PTPN13: variants seen among roughly 807,000 people sequenced by gnomAD.
The protein encoded by PTPN13 is tyrosine-protein phosphatase non-receptor type 13.
In PTPN13, 191 loss-of-function variants were observed where a neutral mutation model predicts 284.0. The observed-to-expected ratio is 0.67, with a 90% CI of 0.60 to 0.76. The LOEUF (loss-of-function observed/expected upper bound fraction) is 0.76. Among genes scored for constraint, PTPN13 ranks in the 30% least tolerant of loss-of-function variants. The pLI is 0.00. For synonymous variants in PTPN13, 986 were observed against 1,022.3 expected, an observed-to-expected ratio of 0.96 and a Z score of 0.68; for missense variants, 2,797 against 2,939.9, an observed-to-expected ratio of 0.95 and a Z score of 1.12.
In PTPN13 at chr4:86,790,655, T is replaced by C. The variant is rs187328150; in HGVS notation, c.6345+4719T>C. Among the ~76,000 whole-genome samples, 69 of 152,242 alleles carry C rather than the reference T, an allele frequency of 4.5e-4. 1 individual carries two copies. In the East Asian group the frequency reaches 0.012, roughly 26 times the overall value. On this transcript the variant is annotated intron_variant, in intron 40 of 47. Transcript: ENST00000411767. ...GAATTTTTTAGTAAGGATTCACCCT[T>C]AGAAGGGCTTTGTGGTAGGAAGAGA...
chr4:86,745,184 A>G (rs1004071204), intron 17 of PTPN13, 56 bp downstream of exon 17: 7 of 1,511,912 alleles, frequency 4.6e-6, no homozygotes, highest in Non-Finnish European at 4.5e-6. Flanking sequence ...AATTTTTGCC[A>G]CCAAGTTTTA....
intron 1 of PTPN13, among the ~76,000 whole-genome samples, chr4:86,602,653 A>T (rs1239557914): frequency 1.3e-5 from 2 of 151,390 alleles, no homozygotes; most frequent in Non-Finnish European, 2.9e-5. Flanking sequence ...AACTTGTGAA[A>T]TGAATGTCAT....
chr4:86,766,970 A>T (rs555653891), intron 27 of PTPN13, among the ~76,000 whole-genome samples: 36 of 152,218 alleles, frequency 2.4e-4, no homozygotes, highest in Non-Finnish European at 4.1e-4. Context: ...CCCAGGCTGG[A>T]GTGCAGTGGC....
chr4:86,755,032 G>C (rs980997907), intron 20 of PTPN13, among the ~76,000 whole-genome samples: 8 of 151,954 alleles, frequency 5.3e-5, no homozygotes, highest in Non-Finnish European at 7.4e-5. Flanking sequence ...GTGTAACTAA[G>C]GATCAAAAAG....
chr4:86,603,681 A>T (rs2149165436), intron 1 of PTPN13, among the ~76,000 whole-genome samples: 1 of 152,210 alleles, frequency 6.6e-6, no homozygotes, highest in African/African-American at 2.4e-5. Context: ...ACTATATAAA[A>T]TGAGTCATTA....
At chr4:86,764,218 A>G (rs781042184) in intron 24 of PTPN13, among the ~76,000 whole-genome samples, 7 of 152,188 alleles carry the variant, frequency 4.6e-5, no homozygotes, top group Non-Finnish European at 1.0e-4. Flanking sequence ...AAAGCATTGG[A>G]CCAGGATTAT....
chr4:86,607,601 T>A (rs988532407), intron 1 of PTPN13, among the ~76,000 whole-genome samples: 2 of 151,998 alleles, frequency 1.3e-5, no homozygotes, highest in Non-Finnish European at 2.9e-5. Context: ...AAGCCTGTCC[T>A]ACTCCAGTCA....
chr4:86,666,310 G>A (rs1483795791), intron 2 of PTPN13, among the ~76,000 whole-genome samples: 1 of 674 alleles, frequency 1.5e-3, no homozygotes, highest in Admixed American at 0.021. Context: ...TCGTAGACTT[G>A]CATTAAGGAC....
intron 3 of PTPN13, among the ~76,000 whole-genome samples, chr4:86,686,122 G>GATTAT (rs1729425163): frequency 6.6e-6 from 1 of 152,070 alleles, no homozygotes; most frequent in Non-Finnish European, 1.5e-5. Flanking sequence ...AGCACTTTGG[G>GATTAT]AGGCTAAGGC....
rs745985239 is a variant in PTPN13 at position 86,635,375 on chromosome 4, A to AGCT, written c.115+21_115+23dup. 85 of 1,585,048 alleles carry AGCT rather than the reference A, an allele frequency of 5.4e-5. No homozygotes were observed. The highest frequency in any genetic ancestry group is 1.4e-4 in the Admixed American group (8 of 55,402). ...CTCCAAGAATTATTCAGAAAAGGTA[A>AGCT]GCTGCTGCTGCTGCTGCTGTTGTTG... On this transcript the variant is annotated splice_donor_region_variant and intron_variant, in intron 2 of 47. Coordinates refer to ENST00000411767, the MANE Select transcript of PTPN13 (RefSeq NM_080683.3).
chr4:86,697,517 C>T (rs989184458), intron 6 of PTPN13, among the ~76,000 whole-genome samples: 1 of 152,152 alleles, frequency 6.6e-6, no homozygotes, highest in African/African-American at 2.4e-5. Flanking sequence ...AGTGGGCTCT[C>T]TGACCCTACT....
At chr4:86,795,602 C>A (rs1201709463) in intron 40 of PTPN13, among the ~76,000 whole-genome samples, 1 of 152,140 alleles carries the variant, frequency 6.6e-6, no homozygotes, top group Non-Finnish European at 1.5e-5. Context: ...ATGTTTATTG[C>A]AGCACTGTTC....
chr4:86,605,410 A>C (rs1274154249), intron 1 of PTPN13, among the ~76,000 whole-genome samples: 5 of 151,948 alleles, frequency 3.3e-5, no homozygotes, highest in African/African-American at 1.2e-4. Context: ...CCTTTTTAAG[A>C]TCAAAGGTGG....
In PTPN13 at chr4:86,807,771, C is replaced by T; in HGVS notation, c.6957C>T (p.Cys2319=). Residue 2319 remains cysteine, a synonymous_variant, in exon 45 of 48, where the codon TGC becomes TGT. Coordinates refer to ENST00000411767, the MANE Select transcript of PTPN13 (RefSeq NM_080683.3). ...AAGTAGAAGGAGAAAAAATCAAATGCCAGCGCTATTGGCCCAACATCCTAG... is the reference window on the plus strand; with the variant it reads ...AAGTAGAAGGAGAAAAAATCAAATGTCAGCGCTATTGGCCCAACATCCTAG... ...TQEVEGEKIK[C]QRYWPNILGK... 2 of 1,614,010 alleles carry T rather than the reference C, an allele frequency of 1.2e-6. No individual in the cohort carries two copies. Among genetic ancestry groups the T allele is most frequent in the Admixed American group, 1.7e-5 (1 of 59,996 alleles).
At chr4:86,812,876 A>G (rs1340228851) in intron 47 of PTPN13, among the ~76,000 whole-genome samples, 1 of 151,984 alleles carries the variant, frequency 6.6e-6, no homozygotes, top group Non-Finnish European at 1.5e-5. Context: ...TTAAAATGAC[A>G]CCAAGTCTGG....
chr4:86,752,633 A>G (rs1184100709), intron 19 of PTPN13, among the ~76,000 whole-genome samples: 1 of 152,198 alleles, frequency 6.6e-6, no homozygotes, highest in African/African-American at 2.4e-5. Context: ...TAAATACTCT[A>G]TAGAAAACAT....
chr4:86,771,353 C>G lies in PTPN13; in HGVS notation c.4986C>G (p.Asp1662Glu). The change falls in exon 31 of 48, where the codon GAC becomes GAG. Residue 1662 changes from aspartate (D) to glutamate (E), a missense_variant. Coordinates refer to ENST00000411767, the MANE Select transcript of PTPN13 (RefSeq NM_080683.3). ...YSDSSGSGEDDLVTAPANISN... is the reference protein window; with the variant it reads ...YSDSSGSGEDELVTAPANISN... ...ACAGCAGTGGGAGTGGAGAAGATGA[C>G]TTAGTGACAGCTCCAGCAAACATAT... 2 of 1,587,500 alleles carry G rather than the reference C, an allele frequency of 1.3e-6. No individual in the cohort carries two copies. Among genetic ancestry groups the G allele is most frequent in the Non-Finnish European group, 1.7e-6 (2 of 1,166,532 alleles).
intron 27 of PTPN13, among the ~76,000 whole-genome samples, chr4:86,767,400 G>A (rs920763741): frequency 2.0e-5 from 3 of 151,650 alleles, no homozygotes; most frequent in African/African-American, 7.2e-5. Flanking sequence ...TGCCCACCAC[G>A]ACACCTGGCT....
At position 86,684,862 on chromosome 4, in the gene PTPN13, C is replaced by T. The variant is rs532915276; in HGVS notation, c.295-1848C>T. ...GGCCCAGAAGATGAGCTCTGAATCTCGACAGAAGGAAATAGGAAAGATGAT... is the reference window on the plus strand; with the variant it reads ...GGCCCAGAAGATGAGCTCTGAATCTTGACAGAAGGAAATAGGAAAGATGAT... On this transcript the variant is annotated intron_variant, in intron 3 of 47. Coordinates refer to ENST00000411767, the MANE Select transcript of PTPN13 (RefSeq NM_080683.3). Among the ~76,000 whole-genome samples, 152 of 152,232 alleles carry T rather than the reference C, an allele frequency of 1.0e-3. 1 individual carries two copies. Among genetic ancestry groups the T allele is most frequent in the African/African-American group, 3.6e-3 (149 of 41,542 alleles).
Sources: gnomAD v4.1 joint callset for allele counts (sites outside exome capture counted in the v4.1 genomes callset) on GRCh38, gnomAD v4.1.1 for gene constraint, MANE v1.5 for transcripts, NCBI Gene and HGNC (gene_info 2026-07-23, HGNC 2026-07-21) for gene names.